USH2A: variants seen among roughly 807,000 people sequenced by gnomAD.
The protein encoded by USH2A is usherin.
Under a neutral mutation model 538.9 loss-of-function variants are expected in USH2A, and 443 were observed. The observed-to-expected ratio is 0.82, with a 90% CI of 0.76 to 0.89. The LOEUF (loss-of-function observed/expected upper bound fraction) is 0.89, where lower values mean the gene tolerates loss of function less well. USH2A is among the 40% of genes least tolerant of loss of function. The probability of loss-of-function intolerance (pLI) is 0.00; values close to 1 mark genes in which losing one functional copy is unlikely to be tolerated. For synonymous variants in USH2A, 2,413 were observed against 2,273.5 expected (o/e 1.06, Z -1.75); for missense variants, 6,633 against 6,324.8 (o/e 1.05, Z -1.65).
At position 215,965,373 on chromosome 1, in the gene USH2A, G is replaced by T. The variant is rs142628868; in HGVS notation, c.7064C>A (p.Pro2355His). The change falls in exon 37 of 72, where the codon CCT becomes CAT. Residue 2355 changes from proline (P) to histidine (H), a missense_variant. Physicochemically the swap from Pro to His is moderately conservative, Grantham distance 77. Transcript: ENST00000307340. Reference sequence around the variant, plus strand: ...GACTGAGTGTGTTAAGAGTCCATTAGGGCGAAAAGGTGCTTCCCACCTCAC... The same window carrying T: ...GACTGAGTGTGTTAAGAGTCCATTATGGCGAAAAGGTGCTTCCCACCTCAC... Reference protein sequence around the residue: ...AHVRWEAPFRPNGLLTHSVLF... With the variant: ...AHVRWEAPFRHNGLLTHSVLF... 1.2e-6 allele frequency: 2 copies of T among 1,613,890 alleles called. No homozygotes were observed. The highest frequency in any genetic ancestry group is 2.7e-5 in the African/African-American group (2 of 75,024).
At chr1:216,012,658 A>T (rs1668604768) in intron 32 of USH2A, among the ~76,000 whole-genome samples, 1 of 152,110 alleles carries the variant, frequency 6.6e-6, no homozygotes, top group Non-Finnish European at 1.5e-5. Context: ...CTCCGTCTTC[A>T]GGAAAAGTAG....
At chr1:215,658,064 GC>G (rs554415226) in intron 64 of USH2A, among the ~76,000 whole-genome samples, 416 of 151,416 alleles carry the variant, frequency 2.7e-3, no homozygotes, top group Non-Finnish European at 4.0e-3. Context: ...CTCCCGAGTA[GC>G]CTGGGACTAC....
chr1:215,847,342 A>C (rs528898380), intron 44 of USH2A, among the ~76,000 whole-genome samples: 2 of 152,240 alleles, frequency 1.3e-5, no homozygotes, highest in Admixed American at 1.3e-4. Context: ...CTGAAATTTC[A>C]TGTCAAATTA....
intron 34 of USH2A, among the ~76,000 whole-genome samples, chr1:215,996,386 T>A (rs1376467896): frequency 6.6e-6 from 1 of 152,136 alleles, no homozygotes; most frequent in Non-Finnish European, 1.5e-5. Flanking sequence ...TTAGAATTCA[T>A]CAAGTTACAA....
intron 58 of USH2A, among the ~76,000 whole-genome samples, chr1:215,756,996 A>G (rs1057341071): frequency 6.6e-5 from 10 of 152,086 alleles, no homozygotes; most frequent in Admixed American, 6.5e-5. Context: ...AAATTCTGTA[A>G]AGGGGGCTGT....
intron 41 of USH2A, among the ~76,000 whole-genome samples, chr1:215,886,403 T>C (rs938484048): frequency 2.0e-5 from 3 of 152,174 alleles, no homozygotes; most frequent in Admixed American, 2.0e-4. Context: ...GAGCCAATAA[T>C]ACTGAAGGAC....
At chr1:216,332,177 TGATTGTCATTATTC>T in intron 4 of USH2A, among the ~76,000 whole-genome samples, 1 of 152,232 alleles carries the variant, frequency 6.6e-6, no homozygotes, top group Non-Finnish European at 1.5e-5. Flanking sequence ...TATCCTCAGA[TGATTGTCATTATTC>T]GATCTGCCTG....
intron 31 of USH2A, among the ~76,000 whole-genome samples, chr1:216,048,277 G>A (rs1180001701): frequency 6.6e-6 from 1 of 152,130 alleles, no homozygotes; most frequent in Non-Finnish European, 1.5e-5. Flanking sequence ...CAAGGCTCTT[G>A]CATGAACAAT....
chr1:216,105,511 T>C (rs1571965127), intron 21 of USH2A, among the ~76,000 whole-genome samples: 1 of 152,236 alleles, frequency 6.6e-6, no homozygotes, highest in East Asian at 1.9e-4. Context: ...TACTATGAAG[T>C]CTTAATTATT....
rs145742052 is a variant in USH2A at position 216,073,122 on chromosome 1, G to A, written c.5751C>T (p.Tyr1917=). 154 of 1,613,772 alleles carry A rather than the reference G, an allele frequency of 9.5e-5. No individual in the cohort carries two copies. In the African/African-American group the frequency reaches 1.1e-3, roughly 11 times the overall value. ...CTGTAAAAGGCTGGAGACCACCCTC[G>A]TAAACACTCTGCTCTTTTCCCTGGT... ...LVYQGKEQSV[Y]EGGLQPFTEY... is the part of the protein sequence containing the mutation. The change falls in exon 28 of 72, where the codon TAC becomes TAT. Residue 1917 remains tyrosine, a synonymous_variant. Transcript: ENST00000307340.
At position 216,381,858 on chromosome 1, in the gene USH2A, G is replaced by A. The variant is rs1272543146; in HGVS notation, c.652-16773C>T. ...ACCCAAGTCTCGCAGTTAGCCTTGC[G>A]GAGCCCAGGGATACAAAAAGTCGGC... On this transcript the variant is annotated intron_variant, in intron 3 of 71. Transcript: ENST00000307340. Among the ~76,000 whole-genome samples the A allele has an allele frequency of 1.1e-4, 16 of 152,204 alleles. No individual in the cohort carries two copies. The East Asian group carries it at 2.5e-3, about 24-fold the overall frequency.
chr1:215,691,974 C>G (rs1186831201), intron 61 of USH2A, among the ~76,000 whole-genome samples: 1 of 152,118 alleles, frequency 6.6e-6, no homozygotes, highest in African/African-American at 2.4e-5. Context: ...CTGACTTGGA[C>G]AGCAGCCGAA....
At chr1:216,165,016 C>T (rs1434569057) in intron 21 of USH2A, among the ~76,000 whole-genome samples, 3 of 152,124 alleles carry the variant, frequency 2.0e-5, no homozygotes, top group African/African-American at 7.2e-5. Flanking sequence ...AGTCTGACTC[C>T]AGAACCTGCA....
chr1:215,650,129 G>A (rs1046719981), intron 65 of USH2A, among the ~76,000 whole-genome samples: 1 of 152,180 alleles, frequency 6.6e-6, no homozygotes, highest in Non-Finnish European at 1.5e-5. Flanking sequence ...AGGAATGAGA[G>A]TTTTCCATGT....
chr1:215,903,157 C>T (rs144972833), intron 38 of USH2A, among the ~76,000 whole-genome samples: 173 of 152,150 alleles, frequency 1.1e-3, no homozygotes, highest in African/African-American at 3.5e-3. Context: ...AAAGGAAGAA[C>T]GTATCAGCTG....
intron 32 of USH2A, among the ~76,000 whole-genome samples, chr1:216,029,149 G>A (rs1031015668): frequency 2.6e-5 from 4 of 152,000 alleles, no homozygotes; most frequent in African/African-American, 9.7e-5. Flanking sequence ...AAAATGTACA[G>A]AAGACCTTAC....
intron 21 of USH2A, among the ~76,000 whole-genome samples, chr1:216,152,455 A>AC (rs1336041115): frequency 8.7e-6 from 1 of 115,586 alleles, no homozygotes; most frequent in Admixed American, 9.0e-5. Context: ...GCACCTTGCG[A>AC]CCCCCACTCC....
chr1:216,084,840 A>C lies in USH2A; in HGVS notation c.5025T>G (p.Asp1675Glu), dbSNP rs1489430420. ...GATTGTAATTCTTCATAAAATGTAC[A>C]TCCTTGAGACAGCCCACAAAACCTT... ...IQKGFVGCLKDVHFMKNYNPS... is the reference protein window; with the variant it reads ...IQKGFVGCLKEVHFMKNYNPS... Residue 1675 changes from aspartate to glutamate, a missense_variant, in exon 25 of 72, where the codon GAT becomes GAG. By Grantham distance (45) the Asp-to-Glu change is conservative. Coordinates refer to ENST00000307340, the MANE Select transcript of USH2A (RefSeq NM_206933.4). 15 of 1,613,398 alleles carry C rather than the reference A, an allele frequency of 9.3e-6. No homozygotes were observed. The highest frequency in any genetic ancestry group is 1.1e-5 in the Non-Finnish European group (13 of 1,179,646).
At chr1:216,001,327 G>C (rs1668261319) in intron 32 of USH2A, among the ~76,000 whole-genome samples, 1 of 152,134 alleles carries the variant, frequency 6.6e-6, no homozygotes, top group East Asian at 1.9e-4. Flanking sequence ...ATTAATGAAT[G>C]AAACGAGCTA....
Sources: gnomAD v4.1 joint callset for allele counts (sites outside exome capture counted in the v4.1 genomes callset) on GRCh38, gnomAD v4.1.1 for gene constraint, MANE v1.5 for transcripts, NCBI Gene and HGNC (gene_info 2026-07-23, HGNC 2026-07-21) for gene names.